Variants in ARL15 observed in about 807,000 individuals in gnomAD.
The protein encoded by ARL15 is ARF like GTPase 15, also known as ADP-ribosylation factor-like protein 15.
ARL15 carries 19 observed loss-of-function variants against 25.2 expected under a neutral mutation model. The observed-to-expected ratio is 0.75, with a 90% CI of 0.53 to 1.10. The LOEUF (loss-of-function observed/expected upper bound fraction) is 1.10. ARL15 is among the 50% of genes least tolerant of loss of function. The probability of loss-of-function intolerance (pLI) is 0.00; values close to 1 mark genes in which losing one functional copy is unlikely to be tolerated. For synonymous variants in ARL15, 94 were observed against 86.8 expected (o/e 1.08, Z -0.46); for missense variants, 220 against 246.0 (o/e 0.89, Z 0.71).
At chr5:54,124,792 T>C (rs893550305) in intron 3 of ARL15, among the ~76,000 whole-genome samples, 1 of 152,198 alleles carries the variant, frequency 6.6e-6, no homozygotes, top group African/African-American at 2.4e-5. Context: ...AGGAAGAGCA[T>C]AGTCATTCCA....
intron 4 of ARL15, among the ~76,000 whole-genome samples, chr5:53,933,127 C>T (rs945337661): frequency 6.6e-6 from 1 of 152,112 alleles, no homozygotes; most frequent in African/African-American, 2.4e-5. Flanking sequence ...TTGGGACAAA[C>T]CTTAGAGCCT....
At chr5:54,003,074 T>G (rs1561184321) in intron 4 of ARL15, among the ~76,000 whole-genome samples, 1 of 152,220 alleles carries the variant, frequency 6.6e-6, no homozygotes, top group Non-Finnish European at 1.5e-5. Context: ...CTCTGGGCTG[T>G]ACCTGAAGCA....
intron 4 of ARL15, among the ~76,000 whole-genome samples, chr5:54,046,069 A>T (rs1488745954): frequency 7.1e-6 from 1 of 140,670 alleles, no homozygotes; most frequent in Non-Finnish European, 1.5e-5. Flanking sequence ...ACAGATCTGT[A>T]AAAAATGACT....
intron 1 of ARL15, among the ~76,000 whole-genome samples, chr5:54,191,489 T>TA (rs35882974): frequency 1.7e-4 from 26 of 151,764 alleles, no homozygotes; most frequent in African/African-American, 5.8e-4. Flanking sequence ...TTTACAAAAA[T>TA]AAAAAAAAAT....
At chr5:53,968,203 C>T (rs1325666348) in intron 4 of ARL15, among the ~76,000 whole-genome samples, 2 of 152,130 alleles carry the variant, frequency 1.3e-5, no homozygotes, top group South Asian at 2.1e-4. Context: ...TGATACTCTA[C>T]AAAACTGGTT....
intron 4 of ARL15, among the ~76,000 whole-genome samples, chr5:53,981,604 AAAGAAATCAT>A (rs1748121180): frequency 6.6e-6 from 1 of 152,200 alleles, no homozygotes; most frequent in Non-Finnish European, 1.5e-5. Context: ...AGAACTCTTG[AAAGAAATCAT>A]GCGGGGCGCA....
At chr5:53,946,900 C>T (rs1746753912) in intron 4 of ARL15, among the ~76,000 whole-genome samples, 1 of 152,154 alleles carries the variant, frequency 6.6e-6, no homozygotes, top group Non-Finnish European at 1.5e-5. Context: ...GGAAATGAGT[C>T]ATAATCAAGC....
At chr5:54,113,776 C>A (rs1014687670) in intron 3 of ARL15, among the ~76,000 whole-genome samples, 1 of 152,204 alleles carries the variant, frequency 6.6e-6, no homozygotes, top group African/African-American at 2.4e-5. Context: ...AAAATTGAGA[C>A]TGAACCTGCC....
chr5:54,121,726 G>GTC (rs2112244987), intron 3 of ARL15, among the ~76,000 whole-genome samples: 1 of 152,240 alleles, frequency 6.6e-6, no homozygotes, highest in South Asian at 2.1e-4. Context: ...CTCTTACTGA[G>GTC]TTCAAAGCCT....
intron 4 of ARL15, among the ~76,000 whole-genome samples, chr5:54,106,877 G>A (rs957874335): frequency 2.6e-5 from 4 of 152,038 alleles, no homozygotes; most frequent in African/African-American, 7.2e-5. Flanking sequence ...TTGGATAAGC[G>A]CAGGTTGCCA....
chr5:54,300,487 G>A (rs1758588449), intron 1 of ARL15, among the ~76,000 whole-genome samples: 1 of 152,208 alleles, frequency 6.6e-6, no homozygotes, highest in Non-Finnish European at 1.5e-5. Context: ...GAGGGATCCT[G>A]AACAATAACT....
intron 1 of ARL15, among the ~76,000 whole-genome samples, chr5:54,226,569 G>GA (rs1400209276): frequency 6.6e-6 from 1 of 152,020 alleles, no homozygotes; most frequent in African/African-American, 2.4e-5. Context: ...GGAGGAAACA[G>GA]AAAAAATATA....
intron 1 of ARL15, among the ~76,000 whole-genome samples, chr5:54,272,629 C>G (rs1299327033): frequency 2.0e-5 from 3 of 152,146 alleles, no homozygotes; most frequent in Non-Finnish European, 4.4e-5. Flanking sequence ...AAACACATAG[C>G]TACAATTTAT....
At chr5:54,114,423 G>C (rs1269600055) in intron 3 of ARL15, among the ~76,000 whole-genome samples, 3 of 29,852 alleles carry the variant, frequency 1.0e-4, no homozygotes, top group East Asian at 1.6e-3. Context: ...AAAAAAAAAA[G>C]CAACACCACA....
At chr5:54,208,026 C>G (rs1384498567) in intron 1 of ARL15, among the ~76,000 whole-genome samples, 2 of 152,050 alleles carry the variant, frequency 1.3e-5, no homozygotes, top group African/African-American at 4.8e-5. Flanking sequence ...GAGCCCAAGG[C>G]CCCTTTTCCC....
intron 4 of ARL15, among the ~76,000 whole-genome samples, chr5:54,111,838 T>C (rs191654098): frequency 6.6e-6 from 1 of 152,242 alleles, no homozygotes; most frequent in Non-Finnish European, 1.5e-5. Context: ...CATACTATTA[T>C]ATCTACTCTA....
chr5:54,044,674 T>G (rs1228280705), intron 4 of ARL15, among the ~76,000 whole-genome samples: 1 of 152,194 alleles, frequency 6.6e-6, no homozygotes, highest in African/African-American at 2.4e-5. Flanking sequence ...ATAGGAGGTT[T>G]TATATTCAGA....
chr5:53,985,039 T>C (rs1265921612), intron 4 of ARL15, among the ~76,000 whole-genome samples: 4 of 152,236 alleles, frequency 2.6e-5, no homozygotes, highest in East Asian at 3.8e-4. Flanking sequence ...AAAAGCTCAC[T>C]ATCTAAATTA....
intron 3 of ARL15, among the ~76,000 whole-genome samples, chr5:54,117,408 A>AC (rs1561230328): frequency 3.3e-4 from 29 of 86,894 alleles, no homozygotes; most frequent in Non-Finnish European, 5.2e-4. Flanking sequence ...CACACACACA[A>AC]ACCCAAAGAG....
Sources: gnomAD v4.1 joint callset for allele counts (sites outside exome capture counted in the v4.1 genomes callset) on GRCh38, gnomAD v4.1.1 for gene constraint, MANE v1.5 for transcripts, NCBI Gene and HGNC (gene_info 2026-07-23, HGNC 2026-07-21) for gene names.